Variants in REV3L observed in about 807,000 individuals in gnomAD.
REV3L encodes the protein DNA polymerase zeta catalytic subunit.
Under a neutral mutation model 299.4 loss-of-function variants are expected in REV3L, and 69 were observed. That is an observed-to-expected ratio of 0.23 (90% CI 0.19 to 0.28). The LOEUF (loss-of-function observed/expected upper bound fraction) is 0.28, where lower values mean the gene tolerates loss of function less well. REV3L is among the 10% of genes least tolerant of loss of function. REV3L has a pLI of 1.00. For synonymous variants in REV3L, 1,238 were observed against 1,271.4 expected, an observed-to-expected ratio of 0.97 and a Z score of 0.56; for missense variants, 3,128 against 3,693.8, an observed-to-expected ratio of 0.85 and a Z score of 3.97.
At chr6:111,423,712 C>T (rs1255005375) in intron 1 of REV3L, among the ~76,000 whole-genome samples, 5 of 151,876 alleles carry the variant, frequency 3.3e-5, no homozygotes, top group South Asian at 2.1e-4. Context: ...GGAATTCAGT[C>T]GAGATGTCAG....
At chr6:111,430,878 G>A (rs1562300958) in intron 1 of REV3L, 2 of 1,604,628 alleles carry the variant, frequency 1.2e-6, no homozygotes, top group African/African-American at 2.7e-5. Flanking sequence ...ACAATGTTGG[G>A]ACTTCTCCAT....
chr6:111,303,159 T>TTC (rs1251349641), intron 31 of REV3L, among the ~76,000 whole-genome samples: 1 of 63,548 alleles, frequency 1.6e-5, no homozygotes, highest in East Asian at 4.6e-4. Flanking sequence ...AGGCTTTCTT[T>TTC]TCTTTCTTTT....
At chr6:111,463,661 A>G (rs188265639) in intron 1 of REV3L, among the ~76,000 whole-genome samples, 62 of 152,350 alleles carry the variant, frequency 4.1e-4, no homozygotes, top group African/African-American at 1.5e-3. Flanking sequence ...GGTTCTTGGA[A>G]ACCTAAACTT....
chr6:111,388,205 T>C, intron 7 of REV3L, 120 bp from the exon 8 acceptor site: 1 of 646,402 alleles, frequency 1.5e-6, no homozygotes, highest in Non-Finnish European at 2.7e-6. Context: ...ATATACATAA[T>C]ACAACCTAAC....
rs1780301805 is a variant in REV3L, at chr6:111,376,334, G to C, written c.2021C>G (p.Pro674Arg). ...EDIPSVTRQVPSRKYTNIRKI... is the reference protein window; with the variant it reads ...EDIPSVTRQVRSRKYTNIRKI... ...TCTAATGTTTGTATATTTTCTACTT[G>C]GTACTTGTCTTGTAACAGATGGAAT... The change falls in exon 13 of 32, where the codon CCA becomes CGA. Residue 674 changes from proline to arginine, a missense_variant. By Grantham distance (103) the Pro-to-Arg change is moderately radical (BLOSUM62 -2). Transcript: ENST00000368802. The C allele has an allele frequency of 6.2e-7, 1 of 1,612,638 alleles. No individual in the cohort carries two copies. Among genetic ancestry groups the C allele is most frequent in the Admixed American group, 1.7e-5 (1 of 59,802 alleles).
intron 19 of REV3L, 48 bp downstream of exon 19, chr6:111,351,628 A>G: frequency 7.1e-7 from 1 of 1,408,762 alleles, no homozygotes; most frequent in Non-Finnish European, 1.0e-6. Context: ...TATTTCCTTT[A>G]TAATTTGCTC....
intron 25 of REV3L, among the ~76,000 whole-genome samples, chr6:111,327,230 G>A (rs982594853): frequency 4.6e-5 from 7 of 152,036 alleles, no homozygotes; most frequent in African/African-American, 1.4e-4. Flanking sequence ...TTTTAAAACC[G>A]AGAGGCAGGG....
chr6:111,478,689 CAAT>C (rs746833671), intron 1 of REV3L, among the ~76,000 whole-genome samples: 245 of 148,122 alleles, frequency 1.7e-3, no homozygotes, highest in African/African-American at 5.6e-3. Flanking sequence ...AAAATATAAA[CAAT>C]GAGAATATAT....
At chr6:111,320,492 G>A (rs1362141347) in intron 26 of REV3L, among the ~76,000 whole-genome samples, 1 of 152,154 alleles carries the variant, frequency 6.6e-6, no homozygotes, top group Admixed American at 6.5e-5. Context: ...ACAAGGCAAA[G>A]TAATTACTAA....
chr6:111,382,477 C>T (rs570525223), intron 9 of REV3L, among the ~76,000 whole-genome samples: 8 of 152,156 alleles, frequency 5.3e-5, no homozygotes, highest in African/African-American at 1.7e-4. Context: ...TGGAAAGCAA[C>T]GTCCCTGTCA....
chr6:111,411,552 G>A lies in REV3L; in HGVS notation c.332C>T (p.Pro111Leu). 2 of 1,549,194 alleles carry A rather than the reference G, an allele frequency of 1.3e-6. No individual in the cohort carries two copies. The highest frequency in any genetic ancestry group is 1.2e-5 in the South Asian group (1 of 84,912). The change falls in exon 3 of 32, where the codon CCT becomes CTT. Residue 111 changes from proline to leucine, a missense_variant and splice_region_variant. Coordinates refer to ENST00000368802, the MANE Select transcript of REV3L (RefSeq NM_001372078.1). The stretch of plus-strand genomic sequence containing the variant: ...TTCCTTCTCATGATAACCATAAAAA[G>A]GCCTGAAATATAAGAAAAAAAATTT... The part of the protein sequence containing the change: ...VFKVSLVSGM[P>L]FYGYHEKERH...
intron 29 of REV3L, 40 bp downstream of exon 29, chr6:111,311,029 T>A (rs1236191710): frequency 3.9e-6 from 6 of 1,521,428 alleles, no homozygotes; most frequent in African/African-American, 1.4e-5. Flanking sequence ...CTGTGCAGAA[T>A]CTCAGGACTA....
chr6:111,387,761 T>C lies in REV3L; in HGVS notation c.1096+4A>G. On this transcript the variant is annotated splice_donor_region_variant and intron_variant, in intron 9 of 31. Coordinates refer to ENST00000368802, the MANE Select transcript of REV3L (RefSeq NM_001372078.1). ...TTTCTGTATACATGAAAAGAAAATC[T>C]TACCTTTGCTTGACTCTTTGTCTTT... 1 of 1,613,562 alleles carries C rather than the reference T, an allele frequency of 6.2e-7. No individual in the cohort carries two copies. Among genetic ancestry groups the C allele is most frequent in the Non-Finnish European group, 8.5e-7 (1 of 1,179,642 alleles).
chr6:111,374,166 T>C lies in REV3L; in HGVS notation c.4189A>G (p.Ile1397Val), dbSNP rs1562208442. 7 of 1,614,142 alleles carry C rather than the reference T, an allele frequency of 4.3e-6. No individual in the cohort carries two copies. The highest frequency in any genetic ancestry group is 2.2e-5 in the East Asian group (1 of 44,886). ...TTGCGATATTCACTTAACTTTCCGA[T>C]TGATGACAAATAGTTTCTTTGTATA... ...NNIQRNYLSSIGKLSEYRNSL... is the reference protein window; with the variant it reads ...NNIQRNYLSSVGKLSEYRNSL... Residue 1397 changes from isoleucine (I) to valine (V), a missense_variant, in exon 13 of 32, where the codon ATC becomes GTC. By Grantham distance (29) the Ile-to-Val change is conservative. Coordinates refer to ENST00000368802, the MANE Select transcript of REV3L (RefSeq NM_001372078.1).
intron 10 of REV3L, 61 bp from the exon 11 acceptor site, chr6:111,380,280 G>T: frequency 1.6e-6 from 2 of 1,221,768 alleles, no homozygotes; most frequent in Non-Finnish European, 2.3e-6. Flanking sequence ...TTGACACGGA[G>T]TCTTGCTCTC....
At chr6:111,469,916 G>A (rs1003442572) in intron 1 of REV3L, among the ~76,000 whole-genome samples, 8 of 152,318 alleles carry the variant, frequency 5.3e-5, no homozygotes, top group South Asian at 4.1e-4. Context: ...TCCAAGTAGA[G>A]AGGGGAATAG....
intron 1 of REV3L, among the ~76,000 whole-genome samples, chr6:111,443,274 G>C (rs766557292): frequency 1.3e-5 from 2 of 151,800 alleles, no homozygotes; most frequent in Non-Finnish European, 2.9e-5. Context: ...TCAGCCTTCC[G>C]AGTAGCTGGG....
At position 111,415,190 on chromosome 6, in the gene REV3L, G is replaced by T. The variant is rs575247500; in HGVS notation, c.329+1093C>A. 2.6e-5 allele frequency among the ~76,000 whole-genome samples: 4 copies of T among 152,262 alleles called. No individual in the cohort carries two copies. The South Asian group carries it at 8.3e-4, about 32-fold the overall frequency. ...GAAAGGCTTTATTAAAACACAAATTGCTGGGCCCCAAGAATGTAGTTCTAC... is the reference window on the plus strand; with the variant it reads ...GAAAGGCTTTATTAAAACACAAATTTCTGGGCCCCAAGAATGTAGTTCTAC... On this transcript the variant is annotated intron_variant, in intron 2 of 31. Coordinates refer to ENST00000368802, the MANE Select transcript of REV3L (RefSeq NM_001372078.1).
At chr6:111,458,355 C>T (rs1007056854) in intron 1 of REV3L, among the ~76,000 whole-genome samples, 11 of 152,120 alleles carry the variant, frequency 7.2e-5, no homozygotes, top group African/African-American at 2.7e-4. Flanking sequence ...TAGAAACATT[C>T]TCCTTGAGAA....
Sources: gnomAD v4.1 joint callset for allele counts (sites outside exome capture counted in the v4.1 genomes callset) on GRCh38, gnomAD v4.1.1 for gene constraint, MANE v1.5 for transcripts, NCBI Gene and HGNC (gene_info 2026-07-23, HGNC 2026-07-21) for gene names.